The following GBE1 variants were observed in gnomAD, a reference collection of about 807,000 sequenced individuals.
GBE1 encodes the protein 1,4-alpha-glucan branching enzyme 1.
In GBE1, 70 loss-of-function variants were observed where a neutral mutation model predicts 88.8. The observed-to-expected ratio is 0.79, with a 90% CI of 0.65 to 0.96. The LOEUF (loss-of-function observed/expected upper bound fraction) is 0.96, where lower values mean the gene tolerates loss of function less well. GBE1 is among the 40% of genes least tolerant of loss of function. The pLI, the probability that GBE1 is intolerant of heterozygous loss-of-function variation, is 0.00. For synonymous variants in GBE1, 284 were observed against 300.1 expected (o/e 0.95, Z 0.56); for missense variants, 872 against 871.0 (o/e 1.00, Z -0.01).
At chr3:81,657,137 A>AG (rs1430906576) in intron 3 of GBE1, among the ~76,000 whole-genome samples, 4 of 150,820 alleles carry the variant, frequency 2.7e-5, no homozygotes. Context: ...GCCGTCTCAA[A>AG]AAAAAAAAAA....
intron 8 of GBE1, among the ~76,000 whole-genome samples, chr3:81,592,500 C>G (rs964359048): frequency 6.6e-5 from 10 of 152,100 alleles, no homozygotes; most frequent in Non-Finnish European, 1.5e-4. Flanking sequence ...AATACTGTGT[C>G]TTGATATTAA....
At chr3:81,496,210 C>G (rs112491941) in intron 15 of GBE1, among the ~76,000 whole-genome samples, 1 of 152,226 alleles carries the variant, frequency 6.6e-6, no homozygotes, top group African/African-American at 2.4e-5. Flanking sequence ...TCTGCCCTAT[C>G]GCTTTTGGAC....
chr3:81,612,750 G>T (rs1704199376), intron 7 of GBE1: 7 of 451,682 alleles, frequency 1.5e-5, no homozygotes, highest in Non-Finnish European at 2.6e-5. Flanking sequence ...AGGCAAGCCT[G>T]CAGGAGCAGA....
At chr3:81,569,005 A>G (rs1394829794) in intron 12 of GBE1, among the ~76,000 whole-genome samples, 1 of 152,110 alleles carries the variant, frequency 6.6e-6, no homozygotes, top group Non-Finnish European at 1.5e-5. Flanking sequence ...ATGAATTGAC[A>G]TTTTAAAGAT....
rs560327222 is a variant in GBE1, at chr3:81,560,157, A to G, written c.1618+17768T>C. Among the ~76,000 whole-genome samples, 44 of 152,092 alleles carry G rather than the reference A, an allele frequency of 2.9e-4. 2 individuals are homozygous for G. The South Asian group carries it at 8.3e-3, about 29-fold the overall frequency. On this transcript the variant is annotated intron_variant, in intron 12 of 15. Transcript: ENST00000429644. ...ATAATTAAGTTCTCATCGTACCACA[A>G]TTTTACAGTCTATAGGTGAGTATAA...
chr3:81,565,142 A>G (rs1316700904), intron 12 of GBE1, among the ~76,000 whole-genome samples: 1 of 152,146 alleles, frequency 6.6e-6, no homozygotes, highest in Admixed American at 6.5e-5. Context: ...AATATACGCT[A>G]TTTGTATCTC....
At chr3:81,582,264 G>A (rs1703742327) in intron 10 of GBE1, among the ~76,000 whole-genome samples, 1 of 152,058 alleles carries the variant, frequency 6.6e-6, no homozygotes, top group Non-Finnish European at 1.5e-5. Flanking sequence ...CCTAATCCAC[G>A]AGCATCTTTC....
chr3:81,580,007 C>T (rs2106936639), intron 11 of GBE1, among the ~76,000 whole-genome samples: 1 of 152,220 alleles, frequency 6.6e-6, no homozygotes, highest in Non-Finnish European at 1.5e-5. Context: ...CTTGATTACC[C>T]AACCCCTGCT....
intron 2 of GBE1, among the ~76,000 whole-genome samples, chr3:81,702,119 G>A (rs947555128): frequency 1.0e-4 from 12 of 114,900 alleles, no homozygotes; most frequent in African/African-American, 5.5e-4. Context: ...GTGTGTGTGT[G>A]TGTGTGTGTG....
intron 7 of GBE1, among the ~76,000 whole-genome samples, chr3:81,617,601 T>G (rs541668488): frequency 5.9e-5 from 9 of 152,138 alleles, no homozygotes; most frequent in African/African-American, 2.2e-4. Context: ...TCTTTTTATA[T>G]ATTGCTGAAT....
chr3:81,536,025 T>C (rs927117645), intron 13 of GBE1, among the ~76,000 whole-genome samples: 1 of 151,940 alleles, frequency 6.6e-6, no homozygotes, highest in South Asian at 2.1e-4. Context: ...CCACTCTTGG[T>C]AATTTAGAAA....
At chr3:81,703,821 A>G (rs139428498) in intron 2 of GBE1, among the ~76,000 whole-genome samples, 96 of 152,156 alleles carry the variant, frequency 6.3e-4, no homozygotes, top group Middle Eastern at 6.8e-3. Context: ...ACAATACAGT[A>G]TAACAAATAT....
At chr3:81,514,645 C>T (rs1308567111) in intron 14 of GBE1, among the ~76,000 whole-genome samples, 2 of 151,548 alleles carry the variant, frequency 1.3e-5, no homozygotes, top group Non-Finnish European at 3.0e-5. Context: ...TTGGTTGCAG[C>T]TTTCAAAAAT....
chr3:81,554,643 A>G (rs776495514), intron 12 of GBE1, among the ~76,000 whole-genome samples: 5 of 152,222 alleles, frequency 3.3e-5, no homozygotes, highest in Non-Finnish European at 7.3e-5. Flanking sequence ...AAGAAAGCAC[A>G]TAGCCACAGG....
chr3:81,501,503 G>T (rs944918214), intron 14 of GBE1, among the ~76,000 whole-genome samples: 1 of 151,978 alleles, frequency 6.6e-6, no homozygotes, highest in Non-Finnish European at 1.5e-5. Context: ...GGCATATTTT[G>T]GGGTAGCATG....
chr3:81,495,629 T>A (rs1702490877), intron 15 of GBE1, among the ~76,000 whole-genome samples: 1 of 152,212 alleles, frequency 6.6e-6, no homozygotes, highest in African/African-American at 2.4e-5. Context: ...GTGACTCTAG[T>A]ATTTCTGTAC....
At chr3:81,548,562 A>G (rs953893707) in intron 12 of GBE1, among the ~76,000 whole-genome samples, 2 of 151,326 alleles carry the variant, frequency 1.3e-5, no homozygotes, top group African/African-American at 4.8e-5. Context: ...CCAGAAAGGT[A>G]ACCAAATTTC....
In GBE1 at chr3:81,714,581, G is replaced by A. The variant is rs139997846; in HGVS notation, c.144-8968C>T. Among the ~76,000 whole-genome samples the A allele has an allele frequency of 1.4e-3, 209 of 152,196 alleles. No individual in the cohort carries two copies. In the Middle Eastern group the frequency reaches 0.017, roughly 12 times the overall value. On this transcript the variant is annotated intron_variant, in intron 1 of 15. Transcript: ENST00000429644. The stretch of plus-strand genomic sequence containing the variant: ...TAACTATATTAGATATAATATAGGT[G>A]GCTTCCTGATTTAGTCAGTCCCACT...
At chr3:81,587,516 C>T (rs1487441580) in intron 9 of GBE1, among the ~76,000 whole-genome samples, 2 of 152,086 alleles carry the variant, frequency 1.3e-5, no homozygotes, top group South Asian at 2.1e-4. Flanking sequence ...ATTTCAATAG[C>T]CAACAATAGA....
Sources: allele counts gnomAD v4.1 joint callset (sites outside exome capture counted in the v4.1 genomes callset), GRCh38; gene constraint gnomAD v4.1.1; transcripts MANE v1.5; gene names NCBI Gene and HGNC (gene_info 2026-07-23, HGNC 2026-07-21).